KHDRBS2: variants seen among roughly 807,000 people sequenced by gnomAD.
KHDRBS2 encodes the protein KH RNA binding domain containing, signal transduction associated 2.
KHDRBS2 carries 26 observed loss-of-function variants against 44.3 expected under a neutral mutation model. That is an observed-to-expected ratio of 0.59 (90% CI 0.43 to 0.81). The LOEUF is 0.81. Ranked by LOEUF, KHDRBS2 falls within the 40% of genes least tolerant of loss-of-function variation. The pLI, the probability that KHDRBS2 is intolerant of heterozygous loss-of-function variation, is 0.00. For missense variants in KHDRBS2, 476 were observed against 433.1 expected, an observed-to-expected ratio of 1.10 and a Z score of -0.88; for synonymous variants, 194 against 151.1, an observed-to-expected ratio of 1.28 and a Z score of -2.08.
At chr6:61,580,311 C>T in the KHDRBS2 span, among the ~76,000 whole-genome samples, 1 of 152,148 alleles carries the variant, frequency 6.6e-6, no homozygotes, top group Non-Finnish European at 1.5e-5. Flanking sequence ...CCAATCATTA[C>T]TCTGTGTCTA....
At chr6:61,897,478 T>C (rs371077122) in intron 5 of KHDRBS2, among the ~76,000 whole-genome samples, 82 of 152,270 alleles carry the variant, frequency 5.4e-4, no homozygotes, top group African/African-American at 1.9e-3. Flanking sequence ...ATCCTTCACC[T>C]ACTCTTAGTT....
chr6:61,646,420 C>G, the KHDRBS2 span, among the ~76,000 whole-genome samples: 1 of 152,096 alleles, frequency 6.6e-6, no homozygotes, highest in South Asian at 2.1e-4. Context: ...GTCTTTTCCT[C>G]CAAGGACAAC....
At chr6:61,936,541 T>C (rs1811070174) in intron 4 of KHDRBS2, among the ~76,000 whole-genome samples, 2 of 152,028 alleles carry the variant, frequency 1.3e-5, no homozygotes, top group South Asian at 4.1e-4. Flanking sequence ...TTGAATATTG[T>C]GTTTTCTCAA....
intron 1 of KHDRBS2, among the ~76,000 whole-genome samples, chr6:62,252,769 C>T (rs951785221): frequency 6.6e-6 from 1 of 151,994 alleles, no homozygotes; most frequent in African/African-American, 2.4e-5. Context: ...ATTTCTAAAA[C>T]TCCTATTCAA....
At chr6:61,669,034 A>G in the KHDRBS2 span, among the ~76,000 whole-genome samples, 1 of 150,694 alleles carries the variant, frequency 6.6e-6, no homozygotes, top group Non-Finnish European at 1.5e-5. Context: ...GGATATCTCA[A>G]CCTCCACAAA....
intron 6 of KHDRBS2, among the ~76,000 whole-genome samples, chr6:61,854,034 TCCTTGG>T (rs745946780): frequency 1.3e-5 from 2 of 152,154 alleles, no homozygotes; most frequent in Non-Finnish European, 2.9e-5. Flanking sequence ...ATTTGGGATT[TCCTTGG>T]CCACAGTTAT....
chr6:61,874,532 G>C (rs371994524), intron 6 of KHDRBS2, among the ~76,000 whole-genome samples: 1 of 152,084 alleles, frequency 6.6e-6, no homozygotes, highest in African/African-American at 2.4e-5. Context: ...GTAACTAGTC[G>C]GTATTTGCTT....
chr6:61,942,387 A>G (rs979432137), intron 4 of KHDRBS2, among the ~76,000 whole-genome samples: 4 of 152,304 alleles, frequency 2.6e-5, no homozygotes, highest in Non-Finnish European at 5.9e-5. Context: ...TAAATATCAT[A>G]AAAAGAACAA....
intron 6 of KHDRBS2, among the ~76,000 whole-genome samples, chr6:61,871,761 C>T (rs562974915): frequency 3.3e-5 from 5 of 152,270 alleles, no homozygotes; most frequent in Middle Eastern, 3.4e-3. Context: ...AACTAAGCTT[C>T]ATAAGCGAAG....
At chr6:61,585,741 T>G in the KHDRBS2 span, among the ~76,000 whole-genome samples, 1 of 152,122 alleles carries the variant, frequency 6.6e-6, no homozygotes, top group African/African-American at 2.4e-5. Context: ...CACTTAAATA[T>G]TTCTTTGATA....
At chr6:61,658,165 G>C in the KHDRBS2 span, among the ~76,000 whole-genome samples, 1 of 151,726 alleles carries the variant, frequency 6.6e-6, no homozygotes, top group Non-Finnish European at 1.5e-5. Context: ...GCTGTGATTA[G>C]ATTTCCTTAT....
intron 2 of KHDRBS2, among the ~76,000 whole-genome samples, chr6:62,095,240 A>G (rs1175559498): frequency 6.6e-6 from 1 of 151,892 alleles, no homozygotes; most frequent in Non-Finnish European, 1.5e-5. Flanking sequence ...AAATTTAACC[A>G]AGAAAGTAAA....
chr6:61,949,505 A>T (rs1243642341), intron 4 of KHDRBS2, among the ~76,000 whole-genome samples: 2 of 152,132 alleles, frequency 1.3e-5, no homozygotes, highest in Admixed American at 6.6e-5. Context: ...GCTATAACTT[A>T]AAGGCTATCC....
intron 4 of KHDRBS2, among the ~76,000 whole-genome samples, chr6:61,954,198 T>A (rs1765407683): frequency 6.6e-6 from 1 of 151,908 alleles, no homozygotes; most frequent in Non-Finnish European, 1.5e-5. Context: ...CTGTCTTGGT[T>A]TTTTCTACAG....
At chr6:61,945,869 C>A (rs72882460) in intron 4 of KHDRBS2, among the ~76,000 whole-genome samples, 32,682 of 134,004 alleles carry the variant, frequency 0.24, 3,760 homozygotes, top group Admixed American at 0.35. Context: ...GAATGATTTC[C>A]CACTTAGAAA....
At chr6:61,568,739 A>G in the KHDRBS2 span, among the ~76,000 whole-genome samples, 89,913 of 152,012 alleles carry the variant, frequency 0.59, 26,800 homozygotes, top group African/African-American at 0.61. Flanking sequence ...GCAGCAGTGG[A>G]AAGTGCCTTA....
chr6:61,705,438 TA>T (rs1769363013), intron 7 of KHDRBS2, among the ~76,000 whole-genome samples: 1 of 151,858 alleles, frequency 6.6e-6, no homozygotes, highest in Non-Finnish European at 1.5e-5. Flanking sequence ...GAGGTTTACA[TA>T]ACCTTTCTTA....
rs1482056388 is a variant in KHDRBS2, at chr6:62,286,088, A to G, written c.-140T>C. On this transcript the variant is annotated 5_prime_UTR_variant, in exon 1 of 9. It removes an upstream start codon present in the reference 5' UTR. Transcript: ENST00000281156. ...GATCTCTGTGCGTCCTCACTGGCCCATGCACCCAGCACCTGCGACTCCCGC... is the reference window on the plus strand; with the variant it reads ...GATCTCTGTGCGTCCTCACTGGCCCGTGCACCCAGCACCTGCGACTCCCGC... 14 of 630,694 alleles carry G rather than the reference A, an allele frequency of 2.2e-5. No homozygotes were observed. In the East Asian group the frequency reaches 2.3e-4, roughly 11 times the overall value. The allele number at this position is 630,694 out of a possible 1,614,324, so 39.1% of individuals were successfully genotyped here.
At chr6:61,583,167 T>C in the KHDRBS2 span, among the ~76,000 whole-genome samples, 3,697 of 151,932 alleles carry the variant, frequency 0.024, 69 homozygotes, top group Middle Eastern at 0.085. Flanking sequence ...CTCTGAGAAG[T>C]ATGATCTGAT....
Sources: gnomAD v4.1 joint callset for allele counts (sites outside exome capture counted in the v4.1 genomes callset) on GRCh38, gnomAD v4.1.1 for gene constraint, MANE v1.5 for transcripts, NCBI Gene and HGNC (gene_info 2026-07-23, HGNC 2026-07-21) for gene names.